Variants in GTF2B observed in about 807,000 individuals in gnomAD.
The protein encoded by GTF2B is general transcription factor IIB, also known as transcription initiation factor IIB.
A neutral mutation model predicts 34.6 loss-of-function variants in GTF2B; 20 were observed. The ratio of observed to expected loss-of-function variants is 0.58; its 90% CI spans 0.41 to 0.84. GTF2B has a LOEUF of 0.84. Among genes scored for constraint, GTF2B ranks in the 40% least tolerant of loss-of-function variants. The pLI is 0.00. For synonymous variants in GTF2B, 142 were observed against 132.4 expected (o/e 1.07, Z -0.50); for missense variants, 237 against 393.3 (o/e 0.60, Z 3.36).
At chr1:88,886,404 C>T (rs187751728) in intron 2 of GTF2B, among the ~76,000 whole-genome samples, 88 of 152,296 alleles carry the variant, frequency 5.8e-4, no homozygotes, top group Admixed American at 2.7e-3. Context: ...GTCTAAAGTT[C>T]TGCTGCATAT....
chr1:88,868,983 C>T (rs1159951655), intron 2 of GTF2B, among the ~76,000 whole-genome samples: 3 of 152,164 alleles, frequency 2.0e-5, no homozygotes, highest in Non-Finnish European at 4.4e-5. Context: ...TCGTGATCCG[C>T]CCACCTCTGC....
intron 2 of GTF2B, among the ~76,000 whole-genome samples, chr1:88,870,084 C>G (rs991251451): frequency 6.6e-6 from 1 of 152,114 alleles, no homozygotes; most frequent in South Asian, 2.1e-4. Flanking sequence ...CCCACCACCA[C>G]GCCTGGCTAA....
intron 2 of GTF2B, among the ~76,000 whole-genome samples, chr1:88,867,146 C>T (rs1014721560): frequency 6.6e-6 from 1 of 152,154 alleles, no homozygotes; most frequent in African/African-American, 2.4e-5. Context: ...CTAAAGAGAT[C>T]AATTTTTCTT....
chr1:88,856,291 CAA>C (rs1162915523), intron 6 of GTF2B, among the ~76,000 whole-genome samples: 4 of 86,170 alleles, frequency 4.6e-5, no homozygotes, highest in African/African-American at 1.7e-4. Context: ...AAAAAAAAAA[CAA>C]AAAAAAAAAA....
rs1297190720 is a variant in GTF2B, at chr1:88,857,395, T to A, written c.628A>T (p.Thr210Ser). ...KALETSVDLI[T>S]TGDFMSRFCS... Reference sequence around the variant, plus strand: ...AACCTGGACATGAAGTCCCCAGTTGTAATCAAATCCACACTGGTTTCTAGC... The same window carrying A: ...AACCTGGACATGAAGTCCCCAGTTGAAATCAAATCCACACTGGTTTCTAGC... The change falls in exon 6 of 7, where the codon ACA becomes TCA. Residue 210 changes from threonine to serine, a missense_variant. This residue lies in a region of GTF2B where 29 missense variants were observed against 105.8 expected (regional missense o/e 0.27). Coordinates refer to ENST00000370500, the MANE Select transcript of GTF2B (RefSeq NM_001514.6). 6.2e-7 allele frequency: 1 copy of A among 1,610,082 alleles called. No homozygotes were observed. Among genetic ancestry groups the A allele is most frequent in the Non-Finnish European group, 8.5e-7 (1 of 1,176,410 alleles).
intron 2 of GTF2B, among the ~76,000 whole-genome samples, chr1:88,886,815 G>T (rs59724965): frequency 0.36 from 21,594 of 59,794 alleles, 3,924 homozygotes; most frequent in African/African-American, 0.53. Context: ...TTTCCTAATT[G>T]TTTTTTTGCA....
intron 6 of GTF2B, among the ~76,000 whole-genome samples, chr1:88,853,748 G>C (rs1427849539): frequency 6.6e-6 from 1 of 152,106 alleles, no homozygotes; most frequent in African/African-American, 2.4e-5. Flanking sequence ...AGGTTGCAGT[G>C]AGCCGAGATC....
intron 6 of GTF2B, among the ~76,000 whole-genome samples, chr1:88,854,281 CT>C (rs1433419883): frequency 6.6e-6 from 1 of 152,104 alleles, no homozygotes; most frequent in African/African-American, 2.4e-5. Flanking sequence ...CAAACAGCTA[CT>C]TATTATAGCA....
intron 6 of GTF2B, among the ~76,000 whole-genome samples, chr1:88,854,903 T>C (rs931609750): frequency 6.6e-6 from 1 of 152,256 alleles, no homozygotes; most frequent in African/African-American, 2.4e-5. Flanking sequence ...TACAATTAGC[T>C]AATTTTAAAT....
chr1:88,888,359 C>T (rs1674123659), intron 1 of GTF2B, among the ~76,000 whole-genome samples: 1 of 152,136 alleles, frequency 6.6e-6, no homozygotes, highest in Non-Finnish European at 1.5e-5. Flanking sequence ...CCATATTCCC[C>T]CCTAAACTTA....
At chr1:88,871,856 C>T (rs374535504) in intron 2 of GTF2B, among the ~76,000 whole-genome samples, 11 of 152,132 alleles carry the variant, frequency 7.2e-5, no homozygotes, top group Non-Finnish European at 7.4e-5. Context: ...TTCAGCCTCC[C>T]GAGTAGCTGG....
intron 2 of GTF2B, among the ~76,000 whole-genome samples, chr1:88,882,388 G>C (rs1347372301): frequency 3.4e-5 from 5 of 147,002 alleles, no homozygotes; most frequent in East Asian, 4.1e-4. Context: ...TCAATCTCAT[G>C]TATGTCTGTC....
At chr1:88,882,983 A>C (rs1673983094) in intron 2 of GTF2B, among the ~76,000 whole-genome samples, 1 of 152,228 alleles carries the variant, frequency 6.6e-6, no homozygotes, top group Admixed American at 6.5e-5. Context: ...CTGAAAATAT[A>C]GCTTGAGCCT....
chr1:88,872,455 T>TTA (rs1240346677), intron 2 of GTF2B, among the ~76,000 whole-genome samples: 22 of 74,838 alleles, frequency 2.9e-4, no homozygotes, highest in Admixed American at 2.1e-3. Context: ...TCCATCTCAA[T>TTA]AAAAAAAAAA....
In GTF2B at chr1:88,860,058, T is replaced by G. The variant is rs201579112; in HGVS notation, c.406-47A>C. The G allele has an allele frequency of 1.3e-4, 204 of 1,610,624 alleles. 1 individual carries two copies. Among genetic ancestry groups the G allele is most frequent in the Middle Eastern group, 6.6e-4 (4 of 6,076 alleles). ...TTTAACTCTACGTCATTTAATTAGC[T>G]GCAATATCAAAATTTCATGTGTTCA... On this transcript the variant is annotated intron_variant, in intron 4 of 6. Coordinates refer to ENST00000370500, the MANE Select transcript of GTF2B (RefSeq NM_001514.6).
At position 88,889,614 on chromosome 1, in the gene GTF2B, G is replaced by A. The variant is rs536523972; in HGVS notation, c.17+1869C>T. 2.7e-4 allele frequency among the ~76,000 whole-genome samples: 41 copies of A among 152,326 alleles called. No individual in the cohort carries two copies. The South Asian group carries it at 5.6e-3, about 21-fold the overall frequency. ...TGAAGTCATGGAACTAATAAGTGGC[G>A]GAGCTTACATTTGAACTCAGAACAT... On this transcript the variant is annotated intron_variant, in intron 1 of 6. Transcript: ENST00000370500.
intron 2 of GTF2B, among the ~76,000 whole-genome samples, chr1:88,883,434 G>T (rs1673990243): frequency 6.6e-6 from 1 of 152,090 alleles, no homozygotes; most frequent in South Asian, 2.1e-4. Flanking sequence ...CACAAAACTG[G>T]CTGAGCATGA....
chr1:88,859,746 G>C, intron 5 of GTF2B, 136 bp downstream of exon 5: 1 of 670,530 alleles, frequency 1.5e-6, no homozygotes. Flanking sequence ...TGAGGCAGGA[G>C]TATAGCTTGA....
chr1:88,866,276 C>CCTCAA (rs1673558395), intron 2 of GTF2B, among the ~76,000 whole-genome samples: 1 of 152,114 alleles, frequency 6.6e-6, no homozygotes. Flanking sequence ...ATCACCTGAG[C>CCTCAA]CCAGGAGGTT....
Sources: gnomAD v4.1 joint callset for allele counts (sites outside exome capture counted in the v4.1 genomes callset) on GRCh38, gnomAD v4.1.1 for gene constraint, gnomAD v4.1.1 regional missense constraint, MANE v1.5 for transcripts, NCBI Gene and HGNC (gene_info 2026-07-23, HGNC 2026-07-21) for gene names.